Variants in RCBTB1 observed in about 807,000 individuals in gnomAD.
The protein encoded by RCBTB1 is RCC1 and BTB domain-containing protein 1.
A neutral mutation model predicts 62.4 loss-of-function variants in RCBTB1; 46 were observed. The ratio of observed to expected loss-of-function variants is 0.74; its 90% CI spans 0.58 to 0.94. RCBTB1 has a LOEUF of 0.94. RCBTB1 is among the 40% of genes least tolerant of loss of function. The pLI, the probability that RCBTB1 is intolerant of heterozygous loss-of-function variation, is 0.00. For missense variants in RCBTB1, 565 were observed against 654.9 expected (o/e 0.86, Z 1.50); for synonymous variants, 222 against 245.8 (o/e 0.90, Z 0.91).
At chr13:49,566,457 C>A (rs1963018980) in intron 4 of RCBTB1, among the ~76,000 whole-genome samples, 161 bp downstream of exon 4, 1 of 152,154 alleles carries the variant, frequency 6.6e-6, no homozygotes, top group African/African-American at 2.4e-5. Context: ...CCAGAGTTAG[C>A]CCGAAGTGTT....
At chr13:49,576,032 A>G (rs1963759472) in intron 2 of RCBTB1, among the ~76,000 whole-genome samples, 1 of 151,844 alleles carries the variant, frequency 6.6e-6, no homozygotes, top group African/African-American at 2.4e-5. Context: ...TAAAAATACG[A>G]AAAAATTAGC....
At chr13:49,559,093 A>G (rs930086520) in intron 5 of RCBTB1, among the ~76,000 whole-genome samples, 2 of 152,236 alleles carry the variant, frequency 1.3e-5, no homozygotes, top group South Asian at 2.1e-4. Flanking sequence ...CAATTAGCCA[A>G]TGGTAAAACT....
chr13:49,579,386 G>C (rs979265603), intron 2 of RCBTB1, among the ~76,000 whole-genome samples: 67 of 152,304 alleles, frequency 4.4e-4, no homozygotes, highest in African/African-American at 1.5e-3. Flanking sequence ...CACTTTGGGA[G>C]GCCGAGGCAG....
Position 49,533,292 on chromosome 13 carries a change from G to C in RCBTB1, c.*830C>G, listed in dbSNP as rs893836912. The C allele has an allele frequency of 3.9e-5, 6 of 152,182 alleles. No homozygotes were observed. The highest frequency in any genetic ancestry group is 7.2e-5 in the African/African-American group (3 of 41,454). 9.4% of individuals were successfully genotyped at this position (152,182 alleles called of 1,614,324 possible). On this transcript the variant is annotated 3_prime_UTR_variant, in exon 13 of 13. Coordinates refer to ENST00000378302, the MANE Select transcript of RCBTB1 (RefSeq NM_018191.4). ...TCTTAAGTTTGCATTTATAGAAGAA[G>C]GTGGTGGGGGACAATTTAAACTTGA... is the stretch of plus-strand genomic sequence containing the variant.
intron 2 of RCBTB1, among the ~76,000 whole-genome samples, chr13:49,571,085 A>G (rs531111630): frequency 6.6e-6 from 1 of 152,142 alleles, no homozygotes; most frequent in Non-Finnish European, 1.5e-5. Context: ...GGTAGCTCAC[A>G]CCTGTAATCC....
intron 2 of RCBTB1, among the ~76,000 whole-genome samples, chr13:49,570,598 G>A (rs948826871): frequency 6.6e-6 from 1 of 152,174 alleles, no homozygotes; most frequent in Admixed American, 6.5e-5. Flanking sequence ...GTCATTTTAT[G>A]TTCAAGATAT....
intron 8 of RCBTB1, chr13:49,550,336 T>A: frequency 6.2e-6 from 3 of 486,118 alleles, no homozygotes; most frequent in Non-Finnish European, 8.0e-6. Context: ...AGAACACTCA[T>A]TGGGCTGATA....
intron 4 of RCBTB1, among the ~76,000 whole-genome samples, chr13:49,562,035 G>A (rs1199255568): frequency 5.9e-5 from 9 of 151,554 alleles, no homozygotes; most frequent in African/African-American, 1.5e-4. Context: ...CCCAGGAGGC[G>A]GAGGTTGCAG....
chr13:49,562,046 T>C (rs937614623), intron 4 of RCBTB1, among the ~76,000 whole-genome samples: 1 of 149,842 alleles, frequency 6.7e-6, no homozygotes, highest in Non-Finnish European at 1.5e-5. Flanking sequence ...GAGGTTGCAG[T>C]GGGCTGAGAT....
At position 49,542,139 on chromosome 13, in the gene RCBTB1, G is replaced by A. The variant is rs374924752; in HGVS notation, c.1173-312C>T. On this transcript the variant is annotated intron_variant, in intron 10 of 12. Coordinates refer to ENST00000378302, the MANE Select transcript of RCBTB1 (RefSeq NM_018191.4). The stretch of plus-strand genomic sequence containing the variant: ...TGAGGCAGGAGAATCGCTTGAACCC[G>A]GGAGGTGGAGGTTGTGGCGAGCCGA... Among the ~76,000 whole-genome samples the A allele has an allele frequency of 1.4e-4, 21 of 151,864 alleles. No homozygotes were observed. In the East Asian group the frequency reaches 2.3e-3, roughly 17 times the overall value.
rs1594324286 is a variant in RCBTB1 at position 49,566,274 on chromosome 13, ATAAATAAAT to A, written c.277+335_277+343del. ...ATGATCAATAAAAAAATAAAATAAA[ATAAATAAAT>A]AAATAAATAAATAAATAAATAAAAA... On this transcript the variant is annotated intron_variant, in intron 4 of 12. Coordinates refer to ENST00000378302, the MANE Select transcript of RCBTB1 (RefSeq NM_018191.4). Among the ~76,000 whole-genome samples the A allele has an allele frequency of 4.7e-5, 5 of 105,940 alleles. No homozygotes were observed. In the South Asian group the frequency reaches 1.3e-3, roughly 27 times the overall value. 69.5% of individuals were successfully genotyped at this position (105,940 alleles called of 152,430 possible).
chr13:49,552,281 T>C lies in RCBTB1; in HGVS notation c.608A>G (p.Tyr203Cys), dbSNP rs772721380. 9.4e-6 allele frequency: 15 copies of C among 1,594,382 alleles called. No individual in the cohort carries two copies. Among genetic ancestry groups the C allele is most frequent in the Non-Finnish European group, 1.2e-5 (14 of 1,167,320 alleles). The change falls in exon 7 of 13, where the codon TAT becomes TGT. Residue 203 changes from tyrosine (Y) to cysteine (C), a missense_variant. Coordinates refer to ENST00000378302, the MANE Select transcript of RCBTB1 (RefSeq NM_018191.4). ...SMAVLDNGEV[Y>C]GWGYNGNGQL... The stretch of plus-strand genomic sequence containing the variant: ...ACCGTTGCCATTGTAACCCCAGCCA[T>C]ATACCTTAGAGAGGACAGAAGGGAG...
intron 12 of RCBTB1, among the ~76,000 whole-genome samples, chr13:49,537,079 G>A (rs1959998566): frequency 6.6e-6 from 1 of 152,098 alleles, no homozygotes; most frequent in African/African-American, 2.4e-5. Flanking sequence ...AAACTCCAAA[G>A]CTAAACTAGT....
chr13:49,560,084 T>A lies in RCBTB1; in HGVS notation c.278A>T (p.Asp93Val), dbSNP rs753422733. ...GTGGCCCCAGGCATAAACCACTCCA[T>A]CTGTGCACACAAAGCACACAAAAAA... ...SGPHVLLSTE[D>V]GVVYAWGHNG... Residue 93 changes from aspartate (D) to valine (V), a missense_variant and splice_region_variant, in exon 5 of 13, where the codon GAT becomes GTT. Physicochemically the swap from Asp to Val is radical, Grantham distance 152. Transcript: ENST00000378302. 26 of 1,611,772 alleles carry A rather than the reference T, an allele frequency of 1.6e-5. No homozygotes were observed. The highest frequency in any genetic ancestry group is 2.2e-5 in the Non-Finnish European group (26 of 1,179,414).
At chr13:49,542,213 CAAAAA>C (rs11285149) in intron 10 of RCBTB1, among the ~76,000 whole-genome samples, 1 of 139,388 alleles carries the variant, frequency 7.2e-6, no homozygotes. Flanking sequence ...AACTCCGTCT[CAAAAA>C]AAAAAAAAAA....
At chr13:49,545,724 G>A (rs1453963999) in intron 9 of RCBTB1, among the ~76,000 whole-genome samples, 1 of 152,114 alleles carries the variant, frequency 6.6e-6, no homozygotes, top group Admixed American at 6.6e-5. Context: ...ATGGATACAC[G>A]AAGCAGGTTT....
rs149875162 is a variant in RCBTB1, at chr13:49,541,809, G to A, written c.1191C>T (p.Ser397=). Residue 397 remains serine (S), a synonymous_variant, in exon 11 of 13, where the codon TCC becomes TCT. Transcript: ENST00000378302. The part of the protein sequence containing the change: ...VLKIRCEHFR[S]MFQSYWNEDM... ...CTTCATTCCAATACGACTGGAACAT[G>A]GATCGAAAATGCTCACACCTAAAAC... 1.6e-4 allele frequency: 266 copies of A among 1,612,266 alleles called. No homozygotes were observed. Among genetic ancestry groups the A allele is most frequent in the Non-Finnish European group, 2.2e-4 (254 of 1,179,574 alleles).
chr13:49,573,242 T>G (rs906239790), intron 2 of RCBTB1, among the ~76,000 whole-genome samples: 1 of 152,208 alleles, frequency 6.6e-6, no homozygotes. Flanking sequence ...TATACAGAAA[T>G]GTATACACCA....
chr13:49,544,874 C>T lies in RCBTB1; in HGVS notation c.1046-11G>A, dbSNP rs74494709. ...AAAAGTCTTCATGCTCTGAAGGCAA[C>T]AAACATATATTAATATGGCAAGTTC... On this transcript the variant is annotated splice_polypyrimidine_tract_variant and intron_variant, in intron 9 of 12. Coordinates refer to ENST00000378302, the MANE Select transcript of RCBTB1 (RefSeq NM_018191.4). The T allele has an allele frequency of 8.1e-4, 1,299 of 1,602,068 alleles. 11 individuals carry two copies. The African/African-American group carries it at 0.016, about 19-fold the overall frequency.
Sources: allele counts gnomAD v4.1 joint callset (sites outside exome capture counted in the v4.1 genomes callset), GRCh38; gene constraint gnomAD v4.1.1; transcripts MANE v1.5; gene names NCBI Gene and HGNC (gene_info 2026-07-23, HGNC 2026-07-21).